Variants in F2R observed in about 807,000 individuals in gnomAD.
F2R encodes the protein coagulation factor II thrombin receptor.
F2R carries 12 observed loss-of-function variants against 18.3 expected under a neutral mutation model. The ratio of observed to expected loss-of-function variants is 0.66; its 90% CI spans 0.42 to 1.06. The LOEUF is 1.06. Among genes scored for constraint, F2R ranks in the 50% least tolerant of loss-of-function variants. The pLI is 0.00. For synonymous variants in F2R, 210 were observed against 219.9 expected, an observed-to-expected ratio of 0.95 and a Z score of 0.40; for missense variants, 438 against 530.8, an observed-to-expected ratio of 0.83 and a Z score of 1.72.
chr5:76,732,957 C>T lies in F2R; in HGVS notation c.732C>T (p.Ile244=). 1 of 1,614,178 alleles carries T rather than the reference C, an allele frequency of 6.2e-7. No individual in the cohort carries two copies. Among genetic ancestry groups the T allele is most frequent in the Non-Finnish European group, 8.5e-7 (1 of 1,180,030 alleles). ...VVPLLLKEQT[I]QVPGLNITTC... ...CTCTGCTCCTCAAGGAGCAAACCAT[C>T]CAGGTGCCCGGGCTCAACATCACTA... Residue 244 remains isoleucine, a synonymous_variant, in exon 2 of 2, where the codon ATC becomes ATT. Transcript: ENST00000319211.
At chr5:76,722,984 G>A (rs1748494062) in intron 1 of F2R, among the ~76,000 whole-genome samples, 1 of 151,220 alleles carries the variant, frequency 6.6e-6, no homozygotes, top group South Asian at 2.1e-4. Flanking sequence ...CTTTAATTCT[G>A]CTTTTTCTGT....
At chr5:76,716,862 T>G (rs1748356039) in intron 1 of F2R, 1 of 514,890 alleles carries the variant, frequency 1.9e-6, no homozygotes, top group Non-Finnish European at 3.4e-6. Flanking sequence ...GCGAGAAAAG[T>G]GATGTAGAGA....
intron 1 of F2R, chr5:76,716,606 T>G: frequency 1.4e-6 from 1 of 721,136 alleles, no homozygotes; most frequent in South Asian, 1.5e-5. Context: ...TTGGACTCGA[T>G]CTTGGAGGGT....
At chr5:76,720,645 A>G (rs1475920648) in intron 1 of F2R, among the ~76,000 whole-genome samples, 2 of 152,086 alleles carry the variant, frequency 1.3e-5, no homozygotes, top group Non-Finnish European at 2.9e-5. Context: ...CCGAAAGGAA[A>G]CCAGTAAGCA....
rs976013727 is a variant in F2R, at chr5:76,716,280, G to A, written c.-28G>A. 3 of 1,345,254 alleles carry A rather than the reference G, an allele frequency of 2.2e-6. No individual in the cohort carries two copies. The African/African-American group carries it at 4.6e-5, about 21-fold the overall frequency. The allele number at this position is 1,345,254 out of a possible 1,614,324, so 83.3% of individuals were successfully genotyped here. A position where few individuals can be genotyped will look rare whatever the true frequency, so the allele number is the denominator to read the frequency against. On this transcript the variant is annotated 5_prime_UTR_variant, in exon 1 of 2. Transcript: ENST00000319211. ...GCAGCCCGAGGCGGGGCAGCCTCCC[G>A]GAGCAGCGCCGCGCAGAGCCCGGGA...
intron 1 of F2R, among the ~76,000 whole-genome samples, chr5:76,720,370 G>T (rs1748424694): frequency 1.3e-5 from 2 of 152,178 alleles, no homozygotes; most frequent in Non-Finnish European, 2.9e-5. Flanking sequence ...GGAGTTCAAG[G>T]TGGCAGTGAG....
rs950299646 is a variant in F2R, at chr5:76,730,230, A to T, written c.89-2084A>T. Among the ~76,000 whole-genome samples the T allele has an allele frequency of 2.6e-5, 4 of 152,298 alleles. No homozygotes were observed. In the South Asian group the frequency reaches 8.3e-4, roughly 32 times the overall value. ...TTTATCTTTAGCAGAGGTGCTTCTC[A>T]TCTTTCCTACAAATGCATAGTTCAA... On this transcript the variant is annotated intron_variant, in intron 1 of 1. Coordinates refer to ENST00000319211, the MANE Select transcript of F2R (RefSeq NM_001992.5).
At chr5:76,719,663 C>G (rs556865408) in intron 1 of F2R, among the ~76,000 whole-genome samples, 2 of 152,140 alleles carry the variant, frequency 1.3e-5, no homozygotes, top group Admixed American at 6.5e-5. Flanking sequence ...TCTAACACCC[C>G]CTATAGAAAG....
chr5:76,716,864 A>G (rs2150579162), intron 1 of F2R: 1 of 513,930 alleles, frequency 1.9e-6, no homozygotes, highest in Non-Finnish European at 3.4e-6. Context: ...GAGAAAAGTG[A>G]TGTAGAGAAA....
In F2R at chr5:76,732,653, A is replaced by T. The variant is rs1748689475; in HGVS notation, c.428A>T (p.His143Leu). The T allele has an allele frequency of 1.9e-6, 3 of 1,613,998 alleles. No homozygotes were observed. In the South Asian group the frequency reaches 3.3e-5, roughly 18 times the overall value. The change falls in exon 2 of 2, where the codon CAC becomes CTC. Residue 143 changes from histidine (H) to leucine (L), a missense_variant. Transcript: ENST00000319211. ...VKKPAVVYML[H>L]LATADVLFVS... ...AAGCCGGCGGTGGTGTACATGCTGC[A>T]CCTGGCCACGGCAGATGTGCTGTTT...
chr5:76,733,405 C>A lies in F2R; in HGVS notation c.1180C>A (p.Pro394Thr). 6.2e-7 allele frequency: 1 copy of A among 1,614,158 alleles called. No homozygotes were observed. The highest frequency in any genetic ancestry group is 8.5e-7 in the Non-Finnish European group (1 of 1,180,036). The change falls in exon 2 of 2, where the codon CCC becomes ACC. Residue 394 changes from proline to threonine, a missense_variant. Transcript: ENST00000319211. ...CTTATGCTGCAAAGAAAGTTCCGAT[C>A]CCAGCAGTTATAACAGCAGTGGGCA... ...SILCCKESSDPSSYNSSGQLM... is the reference protein window; with the variant it reads ...SILCCKESSDTSSYNSSGQLM...
At chr5:76,722,682 G>A (rs1748487162) in intron 1 of F2R, among the ~76,000 whole-genome samples, 1 of 152,224 alleles carries the variant, frequency 6.6e-6, no homozygotes, top group South Asian at 2.1e-4. Context: ...GTTGGGCACG[G>A]TGGCTCATGC....
At chr5:76,719,708 G>C (rs760808313) in intron 1 of F2R, among the ~76,000 whole-genome samples, 27 of 152,292 alleles carry the variant, frequency 1.8e-4, no homozygotes, top group Middle Eastern at 3.4e-3. Flanking sequence ...TCTTACAGTA[G>C]AGAAGTAACC....
chr5:76,722,503 A>G (rs567615577), intron 1 of F2R, among the ~76,000 whole-genome samples: 37 of 151,638 alleles, frequency 2.4e-4, no homozygotes, highest in Middle Eastern at 6.8e-3. Flanking sequence ...GGCGTTGGGT[A>G]CACCTGCGTT....
chr5:76,723,724 C>G (rs1225773431), intron 1 of F2R, among the ~76,000 whole-genome samples: 2 of 152,302 alleles, frequency 1.3e-5, no homozygotes, highest in East Asian at 3.9e-4. Flanking sequence ...AGCAAAAACC[C>G]TTGCCCTTAA....
At chr5:76,728,919 G>A (rs1436816589) in intron 1 of F2R, among the ~76,000 whole-genome samples, 1 of 152,156 alleles carries the variant, frequency 6.6e-6, no homozygotes, top group Non-Finnish European at 1.5e-5. Context: ...TCAAACTCCT[G>A]ACCTCAGGTG....
At chr5:76,728,882 G>C (rs144410385) in intron 1 of F2R, among the ~76,000 whole-genome samples, 1 of 151,954 alleles carries the variant, frequency 6.6e-6, no homozygotes, top group Non-Finnish European at 1.5e-5. Context: ...GTAGAGACAG[G>C]GTTTTGCCAT....
At chr5:76,718,244 C>G (rs1748380894) in intron 1 of F2R, among the ~76,000 whole-genome samples, 1 of 152,150 alleles carries the variant, frequency 6.6e-6, no homozygotes, top group Admixed American at 6.5e-5. Context: ...AGTCCACCCA[C>G]CCTGGGTGCA....
intron 1 of F2R, among the ~76,000 whole-genome samples, chr5:76,717,006 G>T (rs1479151060): frequency 6.6e-6 from 1 of 152,190 alleles, no homozygotes; most frequent in African/African-American, 2.4e-5. Context: ...TGGTGGCGGG[G>T]GAGGGGACAT....
Sources: allele counts gnomAD v4.1 joint callset (sites outside exome capture counted in the v4.1 genomes callset), GRCh38; gene constraint gnomAD v4.1.1; transcripts MANE v1.5; gene names NCBI Gene and HGNC (gene_info 2026-07-23, HGNC 2026-07-21).